The following FADS2 variants were observed in gnomAD, a reference collection of about 807,000 sequenced individuals.
The protein encoded by FADS2 is fatty acid desaturase 2, also known as acyl-CoA 6-desaturase.
A neutral mutation model predicts 61.2 loss-of-function variants in FADS2; 18 were observed. That is an observed-to-expected ratio of 0.29 (90% CI 0.20 to 0.44). The LOEUF (loss-of-function observed/expected upper bound fraction) is 0.44, where lower values mean the gene tolerates loss of function less well. FADS2 is among the 20% of genes least tolerant of loss of function. The pLI, the probability that FADS2 is intolerant of heterozygous loss-of-function variation, is 1.00. For synonymous variants in FADS2, 203 were observed against 223.9 expected, an observed-to-expected ratio of 0.91 and a Z score of 0.83; for missense variants, 322 against 572.7, an observed-to-expected ratio of 0.56 and a Z score of 4.47.
At chr11:61,856,587 A>T (rs1226936303) in intron 5 of FADS2, 1 of 161,036 alleles carries the variant, frequency 6.2e-6, no homozygotes, top group African/African-American at 2.4e-5. Context: ...CTGGGTGCTT[A>T]TGCTCCGCCG....
chr11:61,851,364 C>T (rs146302258), intron 5 of FADS2, among the ~76,000 whole-genome samples: 13 of 152,278 alleles, frequency 8.5e-5, no homozygotes, highest in East Asian at 1.9e-4. Flanking sequence ...ACTTCTGGAA[C>T]GCTGGCTTTG....
intron 5 of FADS2, among the ~76,000 whole-genome samples, chr11:61,850,399 C>T (rs993619592): frequency 3.3e-5 from 5 of 152,128 alleles, no homozygotes; most frequent in Admixed American, 1.3e-4. Flanking sequence ...TACAGGTGCA[C>T]ACCACCACGC....
At chr11:61,829,973 A>G (rs1159542798) in intron 1 of FADS2, among the ~76,000 whole-genome samples, 2 of 152,220 alleles carry the variant, frequency 1.3e-5, no homozygotes, top group Admixed American at 6.5e-5. Flanking sequence ...GAAATTCCCT[A>G]CAGCTTTCAG....
chr11:61,826,888 T>C (rs1428773103), upstream of FADS2, among the ~76,000 whole-genome samples: 3 of 152,126 alleles, frequency 2.0e-5, no homozygotes, highest in African/African-American at 7.2e-5. Flanking sequence ...TGACCATCTC[T>C]CTCAATCTCA....
chr11:61,853,481 T>C (rs2067328554), intron 5 of FADS2, among the ~76,000 whole-genome samples: 4 of 152,034 alleles, frequency 2.6e-5, no homozygotes, highest in African/African-American at 7.3e-5. Context: ...CCTTGTTTTG[T>C]TCTTCTTTTG....
At chr11:61,839,820 C>T (rs540812080) in intron 2 of FADS2, among the ~76,000 whole-genome samples, 1 of 152,332 alleles carries the variant, frequency 6.6e-6, no homozygotes, top group African/African-American at 2.4e-5. Flanking sequence ...CTGAATTTGG[C>T]CTCTCCAAGG....
intron 1 of FADS2, chr11:61,821,331 A>G: frequency 1.4e-6 from 1 of 692,734 alleles, no homozygotes; most frequent in Non-Finnish European, 2.6e-6. Flanking sequence ...ACCAGCCTAG[A>G]CAACATAGTG....
At chr11:61,847,857 T>C (rs1229744279) in intron 4 of FADS2, 2 of 367,748 alleles carry the variant, frequency 5.4e-6, no homozygotes, top group Non-Finnish European at 1.0e-5. Context: ...AGGCAGAGAC[T>C]GGCTGCCACA....
chr11:61,856,119 G>A (rs1246925191), intron 5 of FADS2: 6 of 152,296 alleles, frequency 3.9e-5, no homozygotes, highest in Admixed American at 2.6e-4. Flanking sequence ...GTGTCACTCA[G>A]TGAGCGGCAT....
intron 4 of FADS2, among the ~76,000 whole-genome samples, chr11:61,842,105 C>A (rs905502031): frequency 1.3e-5 from 2 of 152,218 alleles, no homozygotes; most frequent in African/African-American, 4.8e-5. Flanking sequence ...AGAATCCATC[C>A]CTCCACACCC....
chr11:61,816,710 G>T lies in FADS2; in HGVS notation c.141+284G>T. 6.3e-7 allele frequency: 1 copy of T among 1,575,502 alleles called. No individual in the cohort carries two copies. The highest frequency in any genetic ancestry group is 2.3e-5 in the East Asian group (1 of 42,814). On this transcript the variant is annotated intron_variant, in intron 1 of 11. Coordinates refer to the FADS2 transcript ENST00000257261. The surrounding 1 kb of genome is among the most constrained non-coding windows in gnomAD (Gnocchi z 7.0). The stretch of plus-strand genomic sequence containing the variant: ...ACCTCGTCCCAGGTGAAGTAGCGCG[G>T]GGTAGGTCCCTGAGCCGCGGTCTCG...
intron 5 of FADS2, among the ~76,000 whole-genome samples, chr11:61,851,166 G>T (rs1056787569): frequency 6.6e-6 from 1 of 152,182 alleles, no homozygotes; most frequent in Non-Finnish European, 1.5e-5. Context: ...CCTCTGATAA[G>T]TGGGGACAAA....
chr11:61,842,104 C>T (rs1052718952), intron 4 of FADS2, among the ~76,000 whole-genome samples: 36 of 152,240 alleles, frequency 2.4e-4, no homozygotes, highest in African/African-American at 8.2e-4. Context: ...AAGAATCCAT[C>T]CCTCCACACC....
At chr11:61,831,332 C>T (rs965352516) in intron 1 of FADS2, among the ~76,000 whole-genome samples, 1 of 152,104 alleles carries the variant, frequency 6.6e-6, no homozygotes, top group African/African-American at 2.4e-5. Context: ...AGGGACTGAT[C>T]AGAAGACAGT....
intron 1 of FADS2, among the ~76,000 whole-genome samples, chr11:61,833,215 A>C (rs1425251225): frequency 6.6e-6 from 1 of 152,028 alleles, no homozygotes; most frequent in Non-Finnish European, 1.5e-5. Flanking sequence ...TCTCTTCCCC[A>C]TGTCCCGGGT....
At chr11:61,832,014 C>T (rs147126361) in intron 1 of FADS2, among the ~76,000 whole-genome samples, 4 of 152,288 alleles carry the variant, frequency 2.6e-5, no homozygotes, top group African/African-American at 7.2e-5. Flanking sequence ...TGGGCCCAGA[C>T]ACAGAGATGA....
chr11:61,826,136 T>C (rs556924565), upstream of FADS2: 144 of 702,640 alleles, frequency 2.0e-4, 1 homozygote, highest in South Asian at 2.1e-3. Flanking sequence ...GCCTCCTCCA[T>C]GGTAAAGTCC....
chr11:61,856,068 C>T (rs2067356126), intron 5 of FADS2: 1 of 152,280 alleles, frequency 6.6e-6, no homozygotes, highest in Admixed American at 6.5e-5. Flanking sequence ...CATCTGCTGG[C>T]TGCAAGCCCA....
At chr11:61,826,305 G>A (rs1458085074), upstream of FADS2, 5 of 702,512 alleles carry the variant, frequency 7.1e-6, no homozygotes, top group Admixed American at 1.0e-4. Context: ...CTGGTACTGT[G>A]CTGGGAGCCG....
Sources: allele counts gnomAD v4.1 joint callset (sites outside exome capture counted in the v4.1 genomes callset), GRCh38; gene constraint gnomAD v4.1.1; non-coding constraint Gnocchi (gnomAD v3.1); transcripts MANE v1.5; gene names NCBI Gene and HGNC (gene_info 2026-07-23, HGNC 2026-07-21).